LTBP2: variants seen among roughly 807,000 people sequenced by gnomAD.
LTBP2 encodes the protein latent-transforming growth factor beta-binding protein 2.
LTBP2 carries 103 observed loss-of-function variants against 210.6 expected under a neutral mutation model. That is an observed-to-expected ratio of 0.49 (90% CI 0.42 to 0.58). The LOEUF (loss-of-function observed/expected upper bound fraction) is 0.58. LTBP2 is among the 20% of genes least tolerant of loss of function. LTBP2 has a pLI of 0.00. For missense variants in LTBP2, 2,313 were observed against 2,494.5 expected (o/e 0.93, Z 1.55); for synonymous variants, 1,007 against 1,015.0 (o/e 0.99, Z 0.15).
At position 74,612,154 on chromosome 14, in the gene LTBP2, T is replaced by C. The variant is rs2088625810; in HGVS notation, c.-210A>G. 2 of 528,682 alleles carry C rather than the reference T, an allele frequency of 3.8e-6. No individual in the cohort carries two copies. The highest frequency in any genetic ancestry group is 6.5e-6 in the Non-Finnish European group (2 of 309,746). 32.7% of individuals were successfully genotyped at this position (528,682 alleles called of 1,614,324 possible). ...CTCGAGTCCGCGCTCCTACTCCAGC[T>C]GGGCTCGCACGGCTGCTGCACCTTC... On this transcript the variant is annotated 5_prime_UTR_variant, in exon 1 of 36. Transcript: ENST00000261978.
Position 74,503,321 on chromosome 14 carries a change from T to C in LTBP2, c.4786A>G (p.Ser1596Gly). ...CWKKVTNDVC[S>G]EPLRGHRTTY... is the part of the protein sequence containing the mutation. ...GTGCGGTGCCCACGCAGGGGTTCGC[T>C]GCACACATCATTGGTGACTTTTTTC... The change falls in exon 33 of 36, where the codon AGC becomes GGC. Residue 1596 changes from serine (S) to glycine (G), a missense_variant. This residue lies in a region of LTBP2 where 443 missense variants were observed against 501.4 expected (regional missense o/e 0.88). Transcript: ENST00000261978. The C allele has an allele frequency of 1.2e-6, 2 of 1,613,996 alleles. No individual in the cohort carries two copies. The highest frequency in any genetic ancestry group is 1.7e-6 in the Non-Finnish European group (2 of 1,180,014).
chr14:74,524,460 G>A (rs1362364417), intron 15 of LTBP2, among the ~76,000 whole-genome samples: 2 of 152,090 alleles, frequency 1.3e-5, no homozygotes, highest in Non-Finnish European at 2.9e-5. Context: ...GGTTAAGAGA[G>A]CAGGAGCCCC....
chr14:74,510,109 C>T lies in LTBP2; in HGVS notation c.3133G>A (p.Asp1045Asn). The change falls in exon 20 of 36, where the codon GAT (aspartate) becomes AAT (asparagine). Residue 1045 changes from aspartate (D) to asparagine (N), a missense_variant. Asp to Asn is a conservative substitution (Grantham distance 23). This residue lies in a region of LTBP2 where 1,867 missense variants were observed against 1,976.9 expected (regional missense o/e 0.94). Transcript: ENST00000261978. ...TCTGTACCTTGGCAGCCCTTCTCAT[C>T]TGAGGTGACCTCATAGCCCTGCTCA... Reference protein sequence around the residue: ...SCEQGYEVTSDEKGCQDVDEC... With the variant: ...SCEQGYEVTSNEKGCQDVDEC... 6.2e-7 allele frequency: 1 copy of T among 1,614,116 alleles called. No individual in the cohort carries two copies. Among genetic ancestry groups the T allele is most frequent in the Non-Finnish European group, 8.5e-7 (1 of 1,180,022 alleles).
intron 18 of LTBP2, 95 bp from the exon 19 acceptor site, chr14:74,511,459 G>C: frequency 6.6e-7 from 1 of 1,518,714 alleles, no homozygotes; most frequent in Non-Finnish European, 9.1e-7. Context: ...CCTTTGGTTG[G>C]GGAGAGGGAT....
rs184245459 is a variant in LTBP2, at chr14:74,588,215, T to G, written c.566-2097A>C. 8.5e-5 allele frequency among the ~76,000 whole-genome samples: 13 copies of G among 152,274 alleles called. No individual in the cohort carries two copies. The East Asian group carries it at 2.5e-3, about 29-fold the overall frequency. ...CTGCCATTAGTTTTTGTTGTTGTTG[T>G]TTTTGTTTTTTGGGTTTTTGTTTTG... On this transcript the variant is annotated intron_variant, in intron 2 of 35. Coordinates refer to ENST00000261978, the MANE Select transcript of LTBP2 (RefSeq NM_000428.3).
chr14:74,502,589 G>A (rs1432676636), intron 34 of LTBP2, 64 bp downstream of exon 34: 17 of 1,601,120 alleles, frequency 1.1e-5, no homozygotes, highest in Non-Finnish European at 1.4e-5. Context: ...ACTAGCAGGT[G>A]GAGGAGATGG....
chr14:74,570,973 T>G (rs11623580), intron 3 of LTBP2, among the ~76,000 whole-genome samples: 1 of 151,284 alleles, frequency 6.6e-6, no homozygotes, highest in Non-Finnish European at 1.5e-5. Flanking sequence ...TAAGAGTGGG[T>G]ACGGTGAGAC....
chr14:74,525,372 T>C (rs1883288557), intron 14 of LTBP2, 147 bp from the exon 15 acceptor site: 3 of 412,958 alleles, frequency 7.3e-6, no homozygotes, highest in South Asian at 2.6e-4. Context: ...TGAAAGTTGA[T>C]CTGGCCCCAC....
chr14:74,607,916 T>G (rs1405296890), intron 1 of LTBP2, among the ~76,000 whole-genome samples: 1 of 148,502 alleles, frequency 6.7e-6, no homozygotes, highest in East Asian at 1.9e-4. Flanking sequence ...TAGACTATGT[T>G]TTTTTTTTTT....
intron 10 of LTBP2, among the ~76,000 whole-genome samples, chr14:74,531,717 T>A (rs376081875): frequency 3.9e-5 from 6 of 152,204 alleles, no homozygotes; most frequent in African/African-American, 1.4e-4. Context: ...GGCTGCTGCC[T>A]CCCAGAGGCC....
At chr14:74,522,723 C>T (rs76633404) in intron 16 of LTBP2, 67 bp downstream of exon 16, 12 of 1,535,056 alleles carry the variant, frequency 7.8e-6, no homozygotes, top group Admixed American at 3.8e-5. Context: ...ACTCTCAACT[C>T]GGCCTCTTAG....
At chr14:74,608,586 C>T (rs762217639) in intron 1 of LTBP2, among the ~76,000 whole-genome samples, 1 of 151,474 alleles carries the variant, frequency 6.6e-6, no homozygotes, top group Non-Finnish European at 1.5e-5. Context: ...GACGTGCGCC[C>T]ATAATCCCAG....
chr14:74,527,202 G>A, intron 13 of LTBP2, 145 bp downstream of exon 13: 2 of 1,028,484 alleles, frequency 1.9e-6, no homozygotes, highest in Non-Finnish European at 2.9e-6. Context: ...CCTCCCACTT[G>A]GTCATCTCTT....
intron 3 of LTBP2, among the ~76,000 whole-genome samples, chr14:74,562,273 G>A (rs928758029): frequency 2.6e-5 from 4 of 152,032 alleles, no homozygotes; most frequent in Non-Finnish European, 4.4e-5. Flanking sequence ...GAGGTGGGAA[G>A]CACAGGCCAT....
In LTBP2 at chr14:74,554,556, C is replaced by A. The variant is rs2087705404; in HGVS notation, c.1021+947G>T. Among the ~76,000 whole-genome samples, 2 of 152,086 alleles carry A rather than the reference C, an allele frequency of 1.3e-5. 1 individual carries two copies. The highest frequency in any genetic ancestry group is 4.1e-4 in the South Asian group (2 of 4,828). ...AACGCTAAGTGAAAGAAGCCAGACA[C>A]AAAAGATGGTACATTGTACGACTCC... On this transcript the variant is annotated intron_variant, in intron 4 of 35. Transcript: ENST00000261978.
At chr14:74,512,051 G>A (rs1316631057) in intron 18 of LTBP2, among the ~76,000 whole-genome samples, 5 of 152,374 alleles carry the variant, frequency 3.3e-5, no homozygotes, top group African/African-American at 4.8e-5. Context: ...CAGGGGACGA[G>A]AGGACCCAGG....
chr14:74,504,778 C>G lies in LTBP2; in HGVS notation c.4453G>C (p.Asp1485His). Reference protein sequence around the residue: ...AWTFGQTMYTDADECVIFGPG... With the variant: ...AWTFGQTMYTHADECVIFGPG... ...TGGGGCAGAGGATGGAGCAGATTAC[C>G]TGTGTACATGGTCTGTCCAAACGTC... is the stretch of plus-strand genomic sequence containing the variant. The change falls in exon 30 of 36, where the codon GAT becomes CAT. Residue 1485 changes from aspartate (D) to histidine (H), a missense_variant and splice_region_variant. Physicochemically the swap from Asp to His is moderately conservative, Grantham distance 81. Transcript: ENST00000261978. The G allele has an allele frequency of 1.2e-6, 2 of 1,614,104 alleles. No individual in the cohort carries two copies. The highest frequency in any genetic ancestry group is 8.5e-7 in the Non-Finnish European group (1 of 1,179,940).
intron 3 of LTBP2, among the ~76,000 whole-genome samples, chr14:74,576,215 G>A (rs932225658): frequency 1.3e-5 from 2 of 152,230 alleles, no homozygotes; most frequent in African/African-American, 2.4e-5. Context: ...GGGATGGCCC[G>A]AGCATCAGCT....
At chr14:74,520,588 A>G (rs862038) in intron 17 of LTBP2, among the ~76,000 whole-genome samples, 106,518 of 152,030 alleles carry the variant, frequency 0.7, 37,689 homozygotes, top group African/African-American at 0.81. Context: ...GGATCACAAG[A>G]TCAGGAGTTC....
Sources: gnomAD v4.1 joint callset for allele counts (sites outside exome capture counted in the v4.1 genomes callset) on GRCh38, gnomAD v4.1.1 for gene constraint, gnomAD v4.1.1 regional missense constraint, MANE v1.5 for transcripts, NCBI Gene and HGNC (gene_info 2026-07-23, HGNC 2026-07-21) for gene names.